The following NOVA1 variants were observed in gnomAD, a reference collection of about 807,000 sequenced individuals.
The protein encoded by NOVA1 is RNA-binding protein Nova-1.
A neutral mutation model predicts 38.0 loss-of-function variants in NOVA1; 7 were observed. That is an observed-to-expected ratio of 0.18 (90% CI 0.10 to 0.35). The LOEUF (loss-of-function observed/expected upper bound fraction) is 0.35. Ranked by LOEUF, NOVA1 falls within the 10% of genes least tolerant of loss-of-function variation. The pLI is 1.00. For synonymous variants in NOVA1, 270 were observed against 232.5 expected (o/e 1.16, Z -1.47); for missense variants, 460 against 616.0 (o/e 0.75, Z 2.68).
Position 26,479,969 on chromosome 14 carries a change from A to G in NOVA1, c.447+8T>C, listed in dbSNP as rs1447465609. 3 of 1,612,954 alleles carry G rather than the reference A, an allele frequency of 1.9e-6. No individual in the cohort carries two copies. The highest frequency in any genetic ancestry group is 2.5e-6 in the Non-Finnish European group (3 of 1,179,392). ...TATTTCTCTTTGATTTCTCAACTAA[A>G]CACTCACTTGTTTGATGCGATCTGG... is the stretch of plus-strand genomic sequence containing the variant. On this transcript the variant is annotated splice_region_variant and intron_variant, in intron 3 of 4. Coordinates refer to ENST00000539517, the MANE Select transcript of NOVA1 (RefSeq NM_002515.3).
chr14:26,546,354 C>A (rs960881382), intron 2 of NOVA1, among the ~76,000 whole-genome samples: 3 of 151,938 alleles, frequency 2.0e-5, no homozygotes, highest in African/African-American at 7.2e-5. Context: ...TTTCGTCTCT[C>A]TAACAAATAA....
intron 2 of NOVA1, among the ~76,000 whole-genome samples, chr14:26,515,967 C>T (rs1185723335): frequency 6.6e-6 from 1 of 152,064 alleles, no homozygotes. Flanking sequence ...TTATAGGATG[C>T]TCCAAAATGA....
At chr14:26,480,337 G>A (rs904424070) in intron 2 of NOVA1, among the ~76,000 whole-genome samples, 194 bp from the exon 3 acceptor site, 2 of 151,958 alleles carry the variant, frequency 1.3e-5, no homozygotes, top group Admixed American at 6.6e-5. Flanking sequence ...AGTTGTTTTG[G>A]TCTCAAAAAG....
At chr14:26,590,082 G>A (rs1476135533) in intron 2 of NOVA1, among the ~76,000 whole-genome samples, 2 of 151,834 alleles carry the variant, frequency 1.3e-5, no homozygotes, top group Non-Finnish European at 3.0e-5. Flanking sequence ...TAGTATTCCA[G>A]TACTGAACAA....
chr14:26,478,214 G>A (rs1041924129), intron 3 of NOVA1, among the ~76,000 whole-genome samples: 32 of 151,876 alleles, frequency 2.1e-4, no homozygotes, highest in African/African-American at 7.7e-4. Context: ...ATGATAGCCT[G>A]TAAATCTCAT....
intron 2 of NOVA1, among the ~76,000 whole-genome samples, chr14:26,539,843 C>T (rs1162242986): frequency 6.7e-6 from 1 of 150,228 alleles, no homozygotes; most frequent in Non-Finnish European, 1.5e-5. Context: ...TGATTATCTT[C>T]AAAGACTATA....
At chr14:26,529,642 CACAA>C (rs1000454567) in intron 2 of NOVA1, among the ~76,000 whole-genome samples, 2 of 152,172 alleles carry the variant, frequency 1.3e-5, no homozygotes, top group Non-Finnish European at 1.5e-5. Flanking sequence ...GGGAGACTAT[CACAA>C]ACAGTTTCTC....
chr14:26,506,822 C>T (rs1262346353), intron 2 of NOVA1, among the ~76,000 whole-genome samples: 4 of 152,030 alleles, frequency 2.6e-5, no homozygotes, highest in Admixed American at 2.0e-4. Context: ...TCAGGTGATC[C>T]ACCCGCCTCT....
At chr14:26,452,114 T>C (rs1361114155) in intron 4 of NOVA1, among the ~76,000 whole-genome samples, 1 of 152,208 alleles carries the variant, frequency 6.6e-6, no homozygotes, top group East Asian at 1.9e-4. Flanking sequence ...AAATACTTAA[T>C]AGCTTACACA....
At chr14:26,565,348 A>C (rs1209611882) in intron 2 of NOVA1, among the ~76,000 whole-genome samples, 1 of 152,144 alleles carries the variant, frequency 6.6e-6, no homozygotes, top group Non-Finnish European at 1.5e-5. Context: ...AGTGCCTAGA[A>C]GTCTATCGCC....
chr14:26,585,935 C>A (rs1449894723), intron 2 of NOVA1, among the ~76,000 whole-genome samples: 1 of 151,290 alleles, frequency 6.6e-6, no homozygotes, highest in South Asian at 2.1e-4. Context: ...AGATGGACTG[C>A]CTTCTATATC....
Position 26,448,376 on chromosome 14 carries a change from G to C in NOVA1, c.1107C>G (p.Ala369=), listed in dbSNP as rs1281853963. The change falls in exon 5 of 5, where the codon GCC becomes GCG. Residue 369 remains alanine (A), a synonymous_variant. Transcript: ENST00000539517. This position sits in a 1 kb window ranked among gnomAD's most constrained non-coding sequence, Gnocchi z 5.3. ...ANLLATYASE[A]SASGSTAGGT... ...CACCAGCTGTGCTGCCACTGGCTGA[G>C]GCTTCACTGGCATAGGTGGCCAATA... is the stretch of plus-strand genomic sequence containing the variant. 31 of 1,613,758 alleles carry C rather than the reference G, an allele frequency of 1.9e-5. No individual in the cohort carries two copies. Among genetic ancestry groups the C allele is most frequent in the Non-Finnish European group, 2.5e-5 (30 of 1,179,960 alleles).
chr14:26,448,769 G>A lies in NOVA1; in HGVS notation c.714C>T (p.Ile238=). 2 of 1,614,088 alleles carry A rather than the reference G, an allele frequency of 1.2e-6. No individual in the cohort carries two copies. The highest frequency in any genetic ancestry group is 1.7e-6 in the Non-Finnish European group (2 of 1,180,012). ...EQNRKAVELI[I]QKIQEDPQSG... ...TTTGTGGATCCTCTTGTATCTTCTGGATGATAAGTTCAACAGCTTTTCGGT... is the reference window on the plus strand; with the variant it reads ...TTTGTGGATCCTCTTGTATCTTCTGAATGATAAGTTCAACAGCTTTTCGGT... The change falls in exon 5 of 5, where the codon ATC becomes ATT. Residue 238 remains isoleucine (I), a synonymous_variant. Transcript: ENST00000539517. This position sits in a 1 kb window ranked among gnomAD's most constrained non-coding sequence, Gnocchi z 5.3.
At chr14:26,591,054 G>T (rs1021132846) in intron 2 of NOVA1, among the ~76,000 whole-genome samples, 1 of 151,614 alleles carries the variant, frequency 6.6e-6, no homozygotes, top group Non-Finnish European at 1.5e-5. Flanking sequence ...GAATAAAATT[G>T]TATCTTTTGG....
chr14:26,557,724 T>C (rs1184226164), intron 2 of NOVA1, among the ~76,000 whole-genome samples: 1 of 152,100 alleles, frequency 6.6e-6, no homozygotes, highest in Non-Finnish European at 1.5e-5. Context: ...AAACTAAGCA[T>C]ACTTTTAACA....
chr14:26,493,312 G>A (rs923489613), intron 2 of NOVA1, among the ~76,000 whole-genome samples: 43 of 152,266 alleles, frequency 2.8e-4, no homozygotes, highest in Middle Eastern at 3.4e-3. Flanking sequence ...AACAAAATCT[G>A]ACTTAGCCAT....
At chr14:26,514,388 T>C (rs1457857405) in intron 2 of NOVA1, among the ~76,000 whole-genome samples, 2 of 151,808 alleles carry the variant, frequency 1.3e-5, no homozygotes, top group African/African-American at 4.8e-5. Context: ...GAATACCAAA[T>C]ATTAATATGA....
In NOVA1 at chr14:26,595,402, G is replaced by T. The variant is rs201792904; in HGVS notation, c.280+8C>A. On this transcript the variant is annotated splice_region_variant and intron_variant, in intron 2 of 4. Transcript: ENST00000539517. ...CTCATCAAACAATCTCTTCACCATT[G>T]CACCTACCTGGGTAAAAATCTTTGG... 5.2e-5 allele frequency: 84 copies of T among 1,612,576 alleles called. No individual in the cohort carries two copies. Among genetic ancestry groups the T allele is most frequent in the Non-Finnish European group, 6.9e-5 (81 of 1,179,336 alleles).
chr14:26,526,227 T>G (rs1872253278), intron 2 of NOVA1, among the ~76,000 whole-genome samples: 1 of 152,158 alleles, frequency 6.6e-6, no homozygotes, highest in Non-Finnish European at 1.5e-5. Flanking sequence ...ATGTTAAATA[T>G]AAGAATATGT....
Sources: allele counts gnomAD v4.1 joint callset (sites outside exome capture counted in the v4.1 genomes callset), GRCh38; gene constraint gnomAD v4.1.1; non-coding constraint Gnocchi (gnomAD v3.1); transcripts MANE v1.5; gene names NCBI Gene and HGNC (gene_info 2026-07-23, HGNC 2026-07-21).